The following CTNNA3 variants were observed in gnomAD, a reference collection of about 807,000 sequenced individuals.
CTNNA3 encodes catenin alpha-3.
Under a neutral mutation model 95.7 loss-of-function variants are expected in CTNNA3, and 76 were observed. That is an observed-to-expected ratio of 0.79 (90% CI 0.66 to 0.96). The LOEUF (loss-of-function observed/expected upper bound fraction) is 0.96. Among genes scored for constraint, CTNNA3 ranks in the 40% least tolerant of loss-of-function variants. CTNNA3 has a pLI of 0.00. For synonymous variants in CTNNA3, 431 were observed against 374.4 expected, an observed-to-expected ratio of 1.15 and a Z score of -1.74; for missense variants, 1,191 against 1,089.8, an observed-to-expected ratio of 1.09 and a Z score of -1.31.
At chr10:66,224,960 T>A (rs1018060498) in intron 13 of CTNNA3, among the ~76,000 whole-genome samples, 6 of 152,142 alleles carry the variant, frequency 3.9e-5, no homozygotes, top group African/African-American at 1.4e-4. Flanking sequence ...AATATTTCAA[T>A]ACATATATAC....
chr10:67,339,088 G>A (rs1044708949), intron 5 of CTNNA3, among the ~76,000 whole-genome samples: 1 of 152,180 alleles, frequency 6.6e-6, no homozygotes, highest in Non-Finnish European at 1.5e-5. Flanking sequence ...AGAAGTGGCT[G>A]AGTTGCAAAA....
chr10:66,710,536 TTATCTTTGTGATAATGAAGAATTAGCC>T (rs1192972014), intron 9 of CTNNA3, among the ~76,000 whole-genome samples: 1 of 151,956 alleles, frequency 6.6e-6, no homozygotes, highest in Non-Finnish European at 1.5e-5. Context: ...GATAATTTCA[TTATCTTTGTGATAATGAAGAATTAGCC>T]TATCTTTGTG....
At chr10:67,101,172 A>G (rs572809390) in intron 7 of CTNNA3, among the ~76,000 whole-genome samples, 1 of 151,824 alleles carries the variant, frequency 6.6e-6, no homozygotes, top group African/African-American at 2.4e-5. Context: ...ATGTGGATGC[A>G]TGTAGGCCCC....
At chr10:67,059,361 C>T (rs1564862013) in intron 7 of CTNNA3, among the ~76,000 whole-genome samples, 1 of 151,908 alleles carries the variant, frequency 6.6e-6, no homozygotes, top group African/African-American at 2.4e-5. Context: ...TATTTTAAGA[C>T]CAATGAGGTT....
chr10:67,378,412 G>C (rs542955245), intron 5 of CTNNA3, among the ~76,000 whole-genome samples: 1 of 152,108 alleles, frequency 6.6e-6, no homozygotes, highest in South Asian at 2.1e-4. Context: ...ACGAATATTT[G>C]TGTAGAACAC....
intron 3 of CTNNA3, among the ~76,000 whole-genome samples, chr10:67,571,749 G>A (rs567863638): frequency 3.9e-5 from 6 of 152,296 alleles, no homozygotes; most frequent in Admixed American, 6.5e-5. Flanking sequence ...GAGAGAAGTT[G>A]AACTAAAGCT....
At chr10:66,660,878 T>G (rs1262824143) in intron 9 of CTNNA3, among the ~76,000 whole-genome samples, 1 of 152,154 alleles carries the variant, frequency 6.6e-6, no homozygotes, top group African/African-American at 2.4e-5. Context: ...TTTTGCCTAT[T>G]GAAATGTGAG....
chr10:66,537,326 G>T (rs933792658), intron 10 of CTNNA3, among the ~76,000 whole-genome samples: 1 of 152,082 alleles, frequency 6.6e-6, no homozygotes, highest in East Asian at 1.9e-4. Flanking sequence ...AGGGCATAGA[G>T]TTCACTCACA....
Position 66,743,904 on chromosome 10 carries a change from A to C in CTNNA3, c.1281+22360T>G, listed in dbSNP as rs189488440. On this transcript the variant is annotated intron_variant, in intron 9 of 17. Coordinates refer to ENST00000433211, the MANE Select transcript of CTNNA3 (RefSeq NM_013266.4). ...GGCAGGAGAATCACTTGAACCAGGG[A>C]ATCAGAGGTTGCAGTGAGCTGAGAT... Among the ~76,000 whole-genome samples the C allele has an allele frequency of 4.9e-3, 729 of 148,308 alleles. 6 individuals carry two copies. The highest frequency in any genetic ancestry group is 0.017 in the African/African-American group (689 of 40,464).
intron 11 of CTNNA3, among the ~76,000 whole-genome samples, chr10:66,516,750 T>C (rs921552939): frequency 6.6e-6 from 1 of 152,186 alleles, no homozygotes; most frequent in African/African-American, 2.4e-5. Flanking sequence ...TTTTGACCTA[T>C]GACAAGTAAG....
chr10:66,361,512 C>G (rs893763666), intron 12 of CTNNA3, among the ~76,000 whole-genome samples: 3 of 147,862 alleles, frequency 2.0e-5, no homozygotes, highest in African/African-American at 7.5e-5. Context: ...CCTTCTTTCC[C>G]TCTCTCTGCA....
At chr10:67,365,416 A>T (rs1347501964) in intron 5 of CTNNA3, among the ~76,000 whole-genome samples, 1 of 152,226 alleles carries the variant, frequency 6.6e-6, no homozygotes, top group African/African-American at 2.4e-5. Flanking sequence ...AGCAAAAGAA[A>T]ATACCATCAG....
chr10:66,142,050 G>A (rs949974710), intron 13 of CTNNA3, among the ~76,000 whole-genome samples: 34 of 152,074 alleles, frequency 2.2e-4, no homozygotes, highest in African/African-American at 8.2e-4. Context: ...CATGGATCGT[G>A]GCTTTGGTGT....
At chr10:66,792,914 T>C (rs1238448680) in intron 7 of CTNNA3, among the ~76,000 whole-genome samples, 2 of 152,146 alleles carry the variant, frequency 1.3e-5, no homozygotes, top group Non-Finnish European at 2.9e-5. Context: ...GTGTTTTCAA[T>C]TATGGCTTTT....
intron 1 of CTNNA3, among the ~76,000 whole-genome samples, chr10:67,687,627 C>T (rs557847478): frequency 2.5e-4 from 38 of 152,082 alleles, no homozygotes; most frequent in East Asian, 7.7e-4. Context: ...TTGTTCAGGG[C>T]GCAAGGCTCG....
intron 10 of CTNNA3, among the ~76,000 whole-genome samples, chr10:66,608,447 T>C (rs910659437): frequency 6.6e-6 from 1 of 152,068 alleles, no homozygotes; most frequent in African/African-American, 2.4e-5. Flanking sequence ...TAAAAAAAAC[T>C]ATTTTAAAAT....
Position 66,520,460 on chromosome 10 carries a change from C to T in CTNNA3, c.1531+157G>A, listed in dbSNP as rs558313072. The T allele has an allele frequency of 4.3e-5, 23 of 533,952 alleles. No individual in the cohort carries two copies. In the East Asian group the frequency reaches 7.8e-4, roughly 18 times the overall value. 33.1% of individuals were successfully genotyped at this position (533,952 alleles called of 1,614,324 possible). On this transcript the variant is annotated intron_variant, in intron 11 of 17. Coordinates refer to ENST00000433211, the MANE Select transcript of CTNNA3 (RefSeq NM_013266.4). ...AGAGCGGGGGTTTCATCATGTTGGC[C>T]AGGCTGGTATCGAATCCCTGACCTC...
chr10:66,234,958 T>C (rs6480152), intron 13 of CTNNA3, among the ~76,000 whole-genome samples: 122,925 of 152,198 alleles, frequency 0.81, 49,985 homozygotes, highest in South Asian at 0.94. Context: ...GATCAGCACA[T>C]ATGACAAGGA....
intron 9 of CTNNA3, among the ~76,000 whole-genome samples, chr10:66,720,030 A>G (rs1233918184): frequency 2.0e-5 from 3 of 152,154 alleles, no homozygotes; most frequent in Non-Finnish European, 2.9e-5. Context: ...TACATGTATG[A>G]ATGCATACAT....
Sources: allele counts gnomAD v4.1 joint callset (sites outside exome capture counted in the v4.1 genomes callset), GRCh38; gene constraint gnomAD v4.1.1; transcripts MANE v1.5; gene names NCBI Gene and HGNC (gene_info 2026-07-23, HGNC 2026-07-21).